LRRC4C: variants seen among roughly 807,000 people sequenced by gnomAD.
The protein encoded by LRRC4C is leucine-rich repeat-containing protein 4C.
In LRRC4C, 5 loss-of-function variants were observed where a neutral mutation model predicts 33.6. That is an observed-to-expected ratio of 0.15 (90% CI 0.08 to 0.31). The LOEUF (loss-of-function observed/expected upper bound fraction) is 0.31, where lower values mean the gene tolerates loss of function less well. LRRC4C is among the 10% of genes least tolerant of loss of function. The pLI is 1.00. For missense variants in LRRC4C, 560 were observed against 796.7 expected (o/e 0.70, Z 3.58); for synonymous variants, 329 against 302.0 (o/e 1.09, Z -0.93).
At chr11:40,292,759 T>C (rs1179012072) in intron 4 of LRRC4C, 1 of 152,104 alleles carries the variant, frequency 6.6e-6, no homozygotes, top group Non-Finnish European at 1.5e-5. Context: ...ATGCTCCCTG[T>C]GTGCACATAT....
intron 1 of LRRC4C, among the ~76,000 whole-genome samples, chr11:41,093,839 C>G (rs1940604174): frequency 6.6e-6 from 1 of 151,238 alleles, no homozygotes; most frequent in African/African-American, 2.4e-5. Context: ...CATCTATAAT[C>G]CCAGCACTTT....
chr11:41,067,350 T>A (rs1246395526), intron 1 of LRRC4C, among the ~76,000 whole-genome samples: 5 of 152,150 alleles, frequency 3.3e-5, no homozygotes, highest in Admixed American at 3.3e-4. Context: ...AGGAATCAAT[T>A]CAACAAGAAG....
intron 1 of LRRC4C, among the ~76,000 whole-genome samples, chr11:41,348,586 T>A (rs995642493): frequency 1.6e-4 from 24 of 150,684 alleles, no homozygotes; most frequent in African/African-American, 5.1e-4. Flanking sequence ...AGGAAGAGCG[T>A]CTCCCAGCAG....
At chr11:41,322,861 T>C (rs1950998322) in intron 1 of LRRC4C, among the ~76,000 whole-genome samples, 1 of 152,162 alleles carries the variant, frequency 6.6e-6, no homozygotes, top group African/African-American at 2.4e-5. Flanking sequence ...CAGCATAGTC[T>C]TGCACTGGTA....
chr11:40,513,350 C>T (rs901696523), intron 3 of LRRC4C, among the ~76,000 whole-genome samples: 1 of 151,802 alleles, frequency 6.6e-6, no homozygotes, highest in Non-Finnish European at 1.5e-5. Context: ...TTCAGAGAAG[C>T]CTTCTTGGGG....
intron 3 of LRRC4C, among the ~76,000 whole-genome samples, chr11:40,323,437 C>A (rs1229748811): frequency 6.6e-6 from 1 of 152,186 alleles, no homozygotes; most frequent in African/African-American, 2.4e-5. Context: ...CAACTTGGAA[C>A]AGAGTCTATT....
chr11:40,405,340 C>T (rs192223007), intron 3 of LRRC4C, among the ~76,000 whole-genome samples: 47 of 151,888 alleles, frequency 3.1e-4, no homozygotes, highest in African/African-American at 1.1e-3. Context: ...ATCAGGTTAT[C>T]AAAAATGGAA....
intron 1 of LRRC4C, among the ~76,000 whole-genome samples, chr11:40,978,284 T>C (rs1379897361): frequency 6.6e-6 from 1 of 152,202 alleles, no homozygotes; most frequent in East Asian, 1.9e-4. Context: ...GTTTCCACTG[T>C]CCAGAAAAAC....
At chr11:40,218,617 T>TC (rs1289257011) in intron 5 of LRRC4C, among the ~76,000 whole-genome samples, 42 of 140,632 alleles carry the variant, frequency 3.0e-4, no homozygotes, top group Non-Finnish European at 4.4e-4. Flanking sequence ...TATGTATGTA[T>TC]GTATGTATGT....
Position 40,909,491 on chromosome 11 carries a change from C to A in LRRC4C, c.-407+24144G>T, listed in dbSNP as rs375402841. Among the ~76,000 whole-genome samples, 18 of 151,976 alleles carry A rather than the reference C, an allele frequency of 1.2e-4. No individual in the cohort carries two copies. The East Asian group carries it at 1.4e-3, about 11-fold the overall frequency. On this transcript the variant is annotated intron_variant, in intron 2 of 6. Coordinates refer to ENST00000528697, the MANE Select transcript of LRRC4C (RefSeq NM_001258419.2). ...ATAAACAGCAGATCAGTATCTAAAA[C>A]AATGAAAATTTTCTAATGACAGTGT...
chr11:40,996,794 C>T (rs1464466185), intron 1 of LRRC4C, among the ~76,000 whole-genome samples: 4 of 151,944 alleles, frequency 2.6e-5, no homozygotes, highest in Non-Finnish European at 5.9e-5. Context: ...AGAGGGAGTA[C>T]CAGACTTTTT....
At chr11:40,955,318 A>T (rs1958907037) in intron 1 of LRRC4C, among the ~76,000 whole-genome samples, 1 of 151,728 alleles carries the variant, frequency 6.6e-6, no homozygotes, top group South Asian at 2.1e-4. Flanking sequence ...TGCCTTAAAC[A>T]TTTAATGTCT....
chr11:40,971,278 G>A (rs556129505), intron 1 of LRRC4C, among the ~76,000 whole-genome samples: 1 of 152,294 alleles, frequency 6.6e-6, no homozygotes, highest in South Asian at 2.1e-4. Flanking sequence ...CAGGCCCAGG[G>A]CCTCTCTGCC....
chr11:41,047,896 C>CTT (rs879330246), intron 1 of LRRC4C, among the ~76,000 whole-genome samples: 69 of 152,200 alleles, frequency 4.5e-4, no homozygotes, highest in Non-Finnish European at 6.8e-4. Flanking sequence ...TCCTTCTTTG[C>CTT]TTTTTGAAGG....
chr11:40,886,406 TACACACACACACAC>T (rs10629266), intron 2 of LRRC4C, among the ~76,000 whole-genome samples: 1 of 145,450 alleles, frequency 6.9e-6, no homozygotes, highest in African/African-American at 2.5e-5. Context: ...TTTCAAATGC[TACACACACACACAC>T]ACACACACAC....
intron 1 of LRRC4C, among the ~76,000 whole-genome samples, chr11:41,059,562 T>G (rs1858913034): frequency 6.6e-6 from 1 of 152,200 alleles, no homozygotes; most frequent in African/African-American, 2.4e-5. Flanking sequence ...TCTTTTTATT[T>G]TGTTATTATA....
At chr11:40,264,079 C>A (rs1269245904) in intron 4 of LRRC4C, among the ~76,000 whole-genome samples, 1 of 152,122 alleles carries the variant, frequency 6.6e-6, no homozygotes, top group African/African-American at 2.4e-5. Flanking sequence ...TGGTCTGTGT[C>A]CTATTTAATA....
chr11:40,965,056 T>A (rs993042944), intron 1 of LRRC4C, among the ~76,000 whole-genome samples: 1 of 151,986 alleles, frequency 6.6e-6, no homozygotes, highest in Admixed American at 6.6e-5. Context: ...TTTTAATGAT[T>A]GCCATTCTAA....
At chr11:40,764,314 C>G (rs1479589382) in intron 2 of LRRC4C, among the ~76,000 whole-genome samples, 1 of 152,084 alleles carries the variant, frequency 6.6e-6, no homozygotes, top group East Asian at 1.9e-4. Context: ...TTAACATCAT[C>G]TGTAGCCAGG....
Sources: gnomAD v4.1 joint callset for allele counts (sites outside exome capture counted in the v4.1 genomes callset) on GRCh38, gnomAD v4.1.1 for gene constraint, MANE v1.5 for transcripts, NCBI Gene and HGNC (gene_info 2026-07-23, HGNC 2026-07-21) for gene names.